Variants in PLCB4 observed in about 807,000 individuals in gnomAD.
The protein encoded by PLCB4 is 1-phosphatidylinositol 4,5-bisphosphate phosphodiesterase beta-4.
Under a neutral mutation model 178.8 loss-of-function variants are expected in PLCB4, and 77 were observed. The ratio of observed to expected loss-of-function variants is 0.43; its 90% CI spans 0.36 to 0.52. PLCB4 has a LOEUF of 0.52. Ranked by LOEUF, PLCB4 falls within the 20% of genes least tolerant of loss-of-function variation. The pLI, the probability that PLCB4 is intolerant of heterozygous loss-of-function variation, is 0.00. For missense variants in PLCB4, 1,024 were observed against 1,453.4 expected, an observed-to-expected ratio of 0.70 and a Z score of 4.80; for synonymous variants, 496 against 490.8, an observed-to-expected ratio of 1.01 and a Z score of -0.14.
chr20:9,108,001 T>G, intron 2 of PLCB4, among the ~76,000 whole-genome samples: 1 of 151,684 alleles, frequency 6.6e-6, no homozygotes, highest in Admixed American at 6.6e-5. Flanking sequence ...AAGGAAGAGG[T>G]GGTGAAGGGG....
At chr20:9,254,028 G>A (rs2094208356) in intron 3 of PLCB4, among the ~76,000 whole-genome samples, 1 of 152,174 alleles carries the variant, frequency 6.6e-6, no homozygotes, top group Admixed American at 6.5e-5. Flanking sequence ...TGTCCCTTGG[G>A]CTCAAGAACA....
In PLCB4 at chr20:9,479,209, T is replaced by G; in HGVS notation, c.*200T>G. The G allele has an allele frequency of 1.8e-6, 1 of 566,892 alleles. No homozygotes were observed. The highest frequency in any genetic ancestry group is 3.2e-6 in the Non-Finnish European group (1 of 316,010). 35.1% of individuals were successfully genotyped at this position (566,892 alleles called of 1,614,324 possible). On this transcript the variant is annotated 3_prime_UTR_variant, in exon 40 of 40. Coordinates refer to ENST00000378473, the MANE Select transcript of PLCB4 (RefSeq NM_001377142.1). ...TTGGCCAAACAAAAATAGCTACAAA[T>G]CCACAAAAATTTACTATTCCAGTAA...
At chr20:9,171,136 G>A (rs1320248026) in intron 2 of PLCB4, among the ~76,000 whole-genome samples, 86 of 152,190 alleles carry the variant, frequency 5.7e-4, no homozygotes, top group Middle Eastern at 6.8e-3. Context: ...TTTTTTGTGT[G>A]TGTGTGAATA....
At chr20:9,337,081 C>A in intron 4 of PLCB4, 45 bp from the exon 5 acceptor site, 1 of 1,240,708 alleles carries the variant, frequency 8.1e-7, no homozygotes, top group South Asian at 1.2e-5. Context: ...TTATTAGATT[C>A]AAAATGGTGT....
chr20:9,355,271 A>G (rs995899761), intron 7 of PLCB4, among the ~76,000 whole-genome samples: 6 of 151,652 alleles, frequency 4.0e-5, no homozygotes, highest in Admixed American at 2.6e-4. Flanking sequence ...GCTTTTTAAA[A>G]TTTTTTTATT....
chr20:9,308,059 G>A (rs776457153), intron 4 of PLCB4, among the ~76,000 whole-genome samples, 161 bp downstream of exon 4: 8 of 152,098 alleles, frequency 5.3e-5, no homozygotes, highest in Non-Finnish European at 1.2e-4. Flanking sequence ...GAGTAATAAT[G>A]ATAATGATAC....
rs547494597 is a variant in PLCB4, at chr20:9,079,377, C to T, written c.-135+10171C>T. ...GCAGTGACGGGGAGTTAGTCCTACT[C>T]TAAGGAAGGGGCAAGAAAGGCTGAC... On this transcript the variant is annotated intron_variant, in intron 1 of 39. Coordinates refer to ENST00000378473, the MANE Select transcript of PLCB4 (RefSeq NM_001377142.1). Among the ~76,000 whole-genome samples the T allele has an allele frequency of 2.0e-5, 3 of 152,042 alleles. No homozygotes were observed. In the South Asian group the frequency reaches 6.2e-4, roughly 32 times the overall value.
At chr20:9,122,740 A>G (rs1239313398) in intron 2 of PLCB4, among the ~76,000 whole-genome samples, 2 of 152,324 alleles carry the variant, frequency 1.3e-5, no homozygotes, top group African/African-American at 2.4e-5. Flanking sequence ...AGACTAAAGC[A>G]TTTACAGACC....
intron 13 of PLCB4, among the ~76,000 whole-genome samples, chr20:9,381,045 G>C (rs1002291402): frequency 6.6e-6 from 1 of 152,018 alleles, no homozygotes; most frequent in Non-Finnish European, 1.5e-5. Flanking sequence ...TTTCACCCCT[G>C]ATATTTTTCC....
chr20:9,328,004 G>A (rs1340533116), intron 4 of PLCB4, among the ~76,000 whole-genome samples: 1 of 152,150 alleles, frequency 6.6e-6, no homozygotes, highest in Admixed American at 6.5e-5. Flanking sequence ...TCTGCTGCTG[G>A]TGAGTTGGTT....
At chr20:9,418,780 T>C (rs896741018) in intron 25 of PLCB4, among the ~76,000 whole-genome samples, 3 of 152,200 alleles carry the variant, frequency 2.0e-5, no homozygotes, top group African/African-American at 7.2e-5. Flanking sequence ...CTTAACAATA[T>C]GGTCTTCCAA....
At position 9,472,862 on chromosome 20, in the gene PLCB4, A is replaced by G; in HGVS notation, c.3408+15A>G. 6.7e-7 allele frequency: 1 copy of G among 1,488,102 alleles called. No homozygotes were observed. Among genetic ancestry groups the G allele is most frequent in the Non-Finnish European group, 9.3e-7 (1 of 1,074,482 alleles). 92.2% of individuals were successfully genotyped at this position (1,488,102 alleles called of 1,614,324 possible). Reference sequence around the variant, plus strand: ...AAAGAAAGAGAGTAAGTATTTTATTATATTTTTGGCATTCTTCCTTTAAAA... The same window carrying G: ...AAAGAAAGAGAGTAAGTATTTTATTGTATTTTTGGCATTCTTCCTTTAAAA... On this transcript the variant is annotated intron_variant, in intron 37 of 39. Transcript: ENST00000378473.
At chr20:9,200,115 C>T (rs563600261) in intron 2 of PLCB4, among the ~76,000 whole-genome samples, 12 of 148,148 alleles carry the variant, frequency 8.1e-5, no homozygotes, top group Middle Eastern at 6.8e-3. Flanking sequence ...CTCAGTTTCC[C>T]GTTTTTCACT....
At chr20:9,390,031 A>C in intron 16 of PLCB4, 73 bp downstream of exon 16, 1 of 767,992 alleles carries the variant, frequency 1.3e-6, no homozygotes, top group Non-Finnish European at 2.2e-6. Context: ...CTCCTGCTCT[A>C]CAACTTTTTA....
chr20:9,081,218 C>A (rs1169944582), intron 1 of PLCB4, among the ~76,000 whole-genome samples: 2 of 152,232 alleles, frequency 1.3e-5, no homozygotes, highest in African/African-American at 4.8e-5. Flanking sequence ...TGACTCCATT[C>A]TCCAAACCAG....
intron 19 of PLCB4, among the ~76,000 whole-genome samples, chr20:9,398,258 T>A (rs1054643983): frequency 6.6e-6 from 1 of 152,090 alleles, no homozygotes; most frequent in East Asian, 1.9e-4. Context: ...AGAGGGTGAG[T>A]GAGTGACAAG....
At chr20:9,129,953 T>C (rs1334035707) in intron 2 of PLCB4, among the ~76,000 whole-genome samples, 1 of 152,164 alleles carries the variant, frequency 6.6e-6, no homozygotes, top group Non-Finnish European at 1.5e-5. Context: ...CTACCATGTT[T>C]AGCCTCTGGG....
At chr20:9,160,801 C>T (rs910357887) in intron 2 of PLCB4, among the ~76,000 whole-genome samples, 2 of 152,070 alleles carry the variant, frequency 1.3e-5, no homozygotes, top group Non-Finnish European at 2.9e-5. Flanking sequence ...TTCTGGACTT[C>T]GGGTTTGGAG....
rs116084159 is a variant in PLCB4 at position 9,422,961 on chromosome 20, T to G, written c.2320-787T>G. Reference sequence around the variant, plus strand: ...AGCACTCAGATCAAGCAAGATGTCCTGGTTGCTTTTAGCCAATAAAAAGGC... The same window carrying G: ...AGCACTCAGATCAAGCAAGATGTCCGGGTTGCTTTTAGCCAATAAAAAGGC... On this transcript the variant is annotated intron_variant, in intron 27 of 39. Transcript: ENST00000378473. 6.0e-3 allele frequency among the ~76,000 whole-genome samples: 919 copies of G among 152,354 alleles called. 7 individuals carry two copies. Among genetic ancestry groups the G allele is most frequent in the African/African-American group, 0.021 (873 of 41,582 alleles).
Sources: gnomAD v4.1 joint callset for allele counts (sites outside exome capture counted in the v4.1 genomes callset) on GRCh38, gnomAD v4.1.1 for gene constraint, MANE v1.5 for transcripts, NCBI Gene and HGNC (gene_info 2026-07-23, HGNC 2026-07-21) for gene names.